The following CADM2 variants were observed in gnomAD, a reference collection of about 807,000 sequenced individuals.
CADM2 encodes immunoglobulin superfamily member 4D.
In CADM2, 12 loss-of-function variants were observed where a neutral mutation model predicts 49.8. The observed-to-expected ratio is 0.24, with a 90% confidence interval of 0.15 to 0.39. CADM2 has a LOEUF of 0.39. CADM2 is among the 10% of genes least tolerant of loss of function. The pLI is 1.00. For synonymous variants in CADM2, 214 were observed against 175.4 expected (o/e 1.22, Z -1.74); for missense variants, 378 against 492.3 (o/e 0.77, Z 2.20).
intron 1 of CADM2, among the ~76,000 whole-genome samples, chr3:85,145,853 A>T (rs888964833): frequency 8.5e-5 from 13 of 152,146 alleles, no homozygotes; most frequent in African/African-American, 3.1e-4. Context: ...TTATTTCCCC[A>T]TGATCCACCT....
chr3:85,494,640 G>A (rs576946934), intron 1 of CADM2, among the ~76,000 whole-genome samples: 1 of 152,140 alleles, frequency 6.6e-6, no homozygotes, highest in Admixed American at 6.5e-5. Flanking sequence ...ACATAGACAA[G>A]AAAATGAGGT....
intron 1 of CADM2, among the ~76,000 whole-genome samples, chr3:85,710,715 C>A (rs73147245): frequency 0.014 from 2,108 of 152,184 alleles, 25 homozygotes; most frequent in Middle Eastern, 0.048. Flanking sequence ...GCCTTTAGCG[C>A]ATGAGTCAGA....
intron 1 of CADM2, among the ~76,000 whole-genome samples, chr3:85,594,214 G>T (rs924690579): frequency 2.0e-5 from 3 of 151,844 alleles, no homozygotes; most frequent in Non-Finnish European, 4.4e-5. Flanking sequence ...CAAATGGACA[G>T]ATTCTTAAAG....
chr3:85,106,035 G>T (rs1355482105), intron 1 of CADM2, among the ~76,000 whole-genome samples: 2 of 151,948 alleles, frequency 1.3e-5, no homozygotes, highest in Non-Finnish European at 2.9e-5. Context: ...CATGGCACAT[G>T]TATACATATG....
chr3:85,586,754 T>C (rs1450939619), intron 1 of CADM2, among the ~76,000 whole-genome samples: 1 of 152,108 alleles, frequency 6.6e-6, no homozygotes, highest in African/African-American at 2.4e-5. Context: ...ATAAGTAGCA[T>C]CTTGAAAATC....
intron 1 of CADM2, among the ~76,000 whole-genome samples, chr3:85,540,624 G>A (rs1287880597): frequency 6.6e-6 from 1 of 152,082 alleles, no homozygotes; most frequent in Non-Finnish European, 1.5e-5. Context: ...ACACTGAAAT[G>A]TAAAGATTAA....
At chr3:85,373,139 C>T (rs140853411) in intron 1 of CADM2, among the ~76,000 whole-genome samples, 1 of 152,230 alleles carries the variant, frequency 6.6e-6, no homozygotes, top group East Asian at 1.9e-4. Context: ...CCAAAGTATC[C>T]TCTGTTACAA....
chr3:85,158,631 A>G (rs973963902), intron 1 of CADM2, among the ~76,000 whole-genome samples: 3 of 152,128 alleles, frequency 2.0e-5, no homozygotes, highest in Non-Finnish European at 4.4e-5. Context: ...CATAGGTGGG[A>G]ATTGAACAAT....
intron 7 of CADM2, among the ~76,000 whole-genome samples, chr3:85,936,743 T>C (rs1721226506): frequency 6.6e-6 from 1 of 151,826 alleles, no homozygotes. Context: ...TACTATCCCA[T>C]GGAGAATGTT....
intron 1 of CADM2, among the ~76,000 whole-genome samples, chr3:85,280,265 T>C (rs1258381702): frequency 6.6e-6 from 1 of 151,684 alleles, no homozygotes; most frequent in Non-Finnish European, 1.5e-5. Flanking sequence ...TCTGAAAAGG[T>C]CTTTATTTCT....
At chr3:85,121,521 T>C (rs975339298) in intron 1 of CADM2, among the ~76,000 whole-genome samples, 1 of 152,102 alleles carries the variant, frequency 6.6e-6, no homozygotes, top group East Asian at 1.9e-4. Flanking sequence ...TGAGAACAGG[T>C]ACTCACGCTT....
chr3:85,084,061 T>C (rs1393765683), intron 1 of CADM2, among the ~76,000 whole-genome samples: 1 of 152,160 alleles, frequency 6.6e-6, no homozygotes, highest in Non-Finnish European at 1.5e-5. Context: ...AGTTCTCAGT[T>C]TTGAAATAAG....
intron 8 of CADM2, among the ~76,000 whole-genome samples, chr3:85,965,601 A>T (rs1314604790): frequency 6.6e-6 from 1 of 151,538 alleles, no homozygotes; most frequent in Non-Finnish European, 1.5e-5. Flanking sequence ...TTTCTATGAG[A>T]TAGAAAATGT....
chr3:85,538,132 CCTT>C (rs1559895193), intron 1 of CADM2, among the ~76,000 whole-genome samples: 1 of 152,062 alleles, frequency 6.6e-6, no homozygotes, highest in Non-Finnish European at 1.5e-5. Flanking sequence ...AGTACATCCT[CCTT>C]GGGTGTGGGG....
intron 3 of CADM2, among the ~76,000 whole-genome samples, chr3:85,830,403 C>A (rs2074132042): frequency 6.6e-6 from 1 of 151,836 alleles, no homozygotes. Context: ...TGTGTGAGTT[C>A]CTGATACAAT....
At chr3:85,103,746 A>C (rs1214163362) in intron 1 of CADM2, among the ~76,000 whole-genome samples, 1 of 152,210 alleles carries the variant, frequency 6.6e-6, no homozygotes, top group Non-Finnish European at 1.5e-5. Context: ...AAGCAAAAGC[A>C]CATACGAAAC....
At chr3:85,292,073 A>G (rs1003647172) in intron 1 of CADM2, among the ~76,000 whole-genome samples, 1 of 150,730 alleles carries the variant, frequency 6.6e-6, no homozygotes, top group African/African-American at 2.5e-5. Context: ...ACATAGGCTC[A>G]AAATAAAAGG....
In CADM2 at chr3:86,052,055, G is replaced by T. The variant is rs543992403; in HGVS notation, c.971-13550G>T. The stretch of plus-strand genomic sequence containing the variant: ...GTGAATGACAAATTCTAGAAAAAAG[G>T]AAAAAATGGATTTATTTGAAGGTAG... On this transcript the variant is annotated intron_variant, in intron 8 of 9. Coordinates refer to ENST00000383699, the MANE Select transcript of CADM2 (RefSeq NM_001167675.2). Among the ~76,000 whole-genome samples, 7 of 152,098 alleles carry T rather than the reference G, an allele frequency of 4.6e-5. No individual in the cohort carries two copies. The East Asian group carries it at 1.4e-3, about 29-fold the overall frequency.
intron 2 of CADM2, among the ~76,000 whole-genome samples, chr3:85,733,344 A>G (rs566269366): frequency 6.6e-6 from 1 of 152,298 alleles, no homozygotes; most frequent in Non-Finnish European, 1.5e-5. Flanking sequence ...AAATATAAGT[A>G]ATTTTAGTTG....
Sources: gnomAD v4.1 joint callset for allele counts (sites outside exome capture counted in the v4.1 genomes callset) on GRCh38, gnomAD v4.1.1 for gene constraint, MANE v1.5 for transcripts, NCBI Gene and HGNC (gene_info 2026-07-23, HGNC 2026-07-21) for gene names.